The following ERAP2 variants were observed in gnomAD, a reference collection of about 807,000 sequenced individuals.
ERAP2 encodes leukocyte-derived arginine aminopeptidase.
ERAP2 carries 118 observed loss-of-function variants against 111.1 expected under a neutral mutation model. The observed-to-expected ratio is 1.06, with a 90% CI of 0.92 to 1.24. The LOEUF (loss-of-function observed/expected upper bound fraction) is 1.24. Among genes scored for constraint, ERAP2 ranks in the 50% most tolerant of loss-of-function variants. The probability of loss-of-function intolerance (pLI) is 0.00; values close to 1 mark genes in which losing one functional copy is unlikely to be tolerated. For missense variants in ERAP2, 1,131 were observed against 1,125.8 expected (o/e 1.00, Z -0.07); for synonymous variants, 410 against 401.2 (o/e 1.02, Z -0.26).
At chr5:96,906,570 G>A (rs921630889) in intron 13 of ERAP2, among the ~76,000 whole-genome samples, 1 of 152,208 alleles carries the variant, frequency 6.6e-6, no homozygotes, top group South Asian at 2.1e-4. Flanking sequence ...ACCCAGAATG[G>A]AGAGAGAATT....
At chr5:96,914,294 C>T (rs972708351) in intron 17 of ERAP2, among the ~76,000 whole-genome samples, 1 of 152,190 alleles carries the variant, frequency 6.6e-6, no homozygotes, top group Non-Finnish European at 1.5e-5. Context: ...GGTCAGTTAG[C>T]ATCCCTGATA....
chr5:96,916,657 A>T (rs898953099), intron 18 of ERAP2, among the ~76,000 whole-genome samples: 1 of 150,594 alleles, frequency 6.6e-6, no homozygotes, highest in Non-Finnish European at 1.5e-5. Flanking sequence ...TTTAGTAGAG[A>T]TGGGGTTTCA....
intron 9 of ERAP2, among the ~76,000 whole-genome samples, chr5:96,897,930 C>T (rs1274888497): frequency 3.9e-5 from 6 of 152,198 alleles, no homozygotes; most frequent in African/African-American, 1.2e-4. Context: ...GGTACAATGG[C>T]TCACGCCTGT....
At chr5:96,878,913 G>A (rs1022793572) in intron 1 of ERAP2, among the ~76,000 whole-genome samples, 5 of 152,126 alleles carry the variant, frequency 3.3e-5, no homozygotes, top group African/African-American at 1.2e-4. Context: ...GGACAACAGC[G>A]AGATTCCGTC....
chr5:96,896,971 C>A, intron 9 of ERAP2, 108 bp downstream of exon 9: 1 of 396,076 alleles, frequency 2.5e-6, no homozygotes, highest in Non-Finnish European at 3.5e-6. Context: ...CATATTTATT[C>A]TGCTTGCTAT....
intron 4 of ERAP2, among the ~76,000 whole-genome samples, chr5:96,887,325 G>C (rs1225306382): frequency 7.2e-6 from 1 of 138,758 alleles, no homozygotes; most frequent in Non-Finnish European, 1.5e-5. Flanking sequence ...TTTTGAGACA[G>C]AGTCTCACTC....
Position 96,909,687 on chromosome 5 carries a change from T to C in ERAP2, c.2277T>C (p.Cys759=). The change falls in exon 15 of 19, where the codon TGT becomes TGC. Residue 759 remains cysteine (C), a synonymous_variant. Coordinates refer to ENST00000437043, the MANE Select transcript of ERAP2 (RefSeq NM_022350.5). ...MLRSALLKLA[C]DLNHAPCIQK... Reference sequence around the variant, plus strand: ...GCTCGGCTCTCTTGAAGCTGGCCTGTGACCTGAACCATGCTCCTTGCATCC... The same window carrying C: ...GCTCGGCTCTCTTGAAGCTGGCCTGCGACCTGAACCATGCTCCTTGCATCC... The C allele has an allele frequency of 1.9e-6, 3 of 1,614,212 alleles. No individual in the cohort carries two copies. The East Asian group carries it at 6.7e-5, about 36-fold the overall frequency.
At chr5:96,887,355 C>T (rs1783865769) in intron 4 of ERAP2, among the ~76,000 whole-genome samples, 1 of 147,538 alleles carries the variant, frequency 6.8e-6, no homozygotes, top group Non-Finnish European at 1.5e-5. Context: ...GGCTGGAGTG[C>T]AATGATGCTA....
In ERAP2 at chr5:96,909,066, T is replaced by C; in HGVS notation, c.2118T>C (p.Phe706=). ...AAGGTCTGAGTTACTTGGAATCGTT[T>C]TACCACATGATGGACAGAAGGAATA... The part of the protein sequence containing the change: ...LLEGLSYLES[F]YHMMDRRNIS... The change falls in exon 14 of 19, where the codon TTT becomes TTC. Residue 706 remains phenylalanine, a synonymous_variant. Coordinates refer to ENST00000437043, the MANE Select transcript of ERAP2 (RefSeq NM_022350.5). 1.2e-6 allele frequency: 2 copies of C among 1,614,196 alleles called. No individual in the cohort carries two copies. The highest frequency in any genetic ancestry group is 1.7e-6 in the Non-Finnish European group (2 of 1,180,010).
intron 13 of ERAP2, among the ~76,000 whole-genome samples, chr5:96,907,894 AAT>A (rs1554059862): frequency 1.3e-5 from 2 of 151,102 alleles, no homozygotes; most frequent in African/African-American, 4.9e-5. Flanking sequence ...AAAAAAAAAA[AAT>A]ATATATATAT....
Position 96,915,784 on chromosome 5 carries a change from G to A in ERAP2, c.2739+15G>A. ...AGTTGCAAGAGGTTTGTGACTTTCT[G>A]TTTTTAACAATTTCAAAATAAATGT... On this transcript the variant is annotated intron_variant, in intron 18 of 18. Transcript: ENST00000437043. 1 of 1,570,314 alleles carries A rather than the reference G, an allele frequency of 6.4e-7. No individual in the cohort carries two copies. Among genetic ancestry groups the A allele is most frequent in the Non-Finnish European group, 8.7e-7 (1 of 1,154,076 alleles).
chr5:96,883,271 T>A (rs1174410777), intron 2 of ERAP2, among the ~76,000 whole-genome samples: 1 of 152,182 alleles, frequency 6.6e-6, no homozygotes, highest in Admixed American at 6.5e-5. Context: ...CTTTTCCCTG[T>A]CCTGCTTCCC....
chr5:96,902,969 C>T (rs549696776), intron 12 of ERAP2, among the ~76,000 whole-genome samples: 2 of 152,074 alleles, frequency 1.3e-5, no homozygotes, highest in South Asian at 4.2e-4. Context: ...ACCTGGAGTC[C>T]TTCTTTACTA....
chr5:96,889,752 G>A (rs2151141511), intron 5 of ERAP2, among the ~76,000 whole-genome samples: 1 of 151,780 alleles, frequency 6.6e-6, no homozygotes, highest in East Asian at 1.9e-4. Context: ...TCTGTGGGAG[G>A]GAAACACACC....
chr5:96,909,178 G>C, intron 14 of ERAP2, 61 bp downstream of exon 14: 1 of 1,547,016 alleles, frequency 6.5e-7, no homozygotes, highest in Non-Finnish European at 8.9e-7. Context: ...TATCAGTCAG[G>C]CTCAGTTTGT....
At chr5:96,897,826 T>C (rs937087845) in intron 9 of ERAP2, among the ~76,000 whole-genome samples, 4 of 152,242 alleles carry the variant, frequency 2.6e-5, no homozygotes, top group South Asian at 2.1e-4. Flanking sequence ...GAAGAGATCC[T>C]TTCTTTTTTA....
chr5:96,919,286 T>C lies in ERAP2; in HGVS notation c.*1681T>C, dbSNP rs908774483. On this transcript the variant is annotated 3_prime_UTR_variant, in exon 19 of 19. Transcript: ENST00000437043. Reference sequence around the variant, plus strand: ...ACAGTACACATTTTTTGGTTAAATTTGTTTTCAGATCATTTCATGGAATCT... The same window carrying C: ...ACAGTACACATTTTTTGGTTAAATTCGTTTTCAGATCATTTCATGGAATCT... 5 of 152,484 alleles carry C rather than the reference T, an allele frequency of 3.3e-5. No individual in the cohort carries two copies. In the East Asian group the frequency reaches 9.4e-4, roughly 29 times the overall value. The allele number at this position is 152,484 out of a possible 1,614,324, so 9.4% of individuals were successfully genotyped here.
At chr5:96,912,132 A>G (rs1786846388) in intron 15 of ERAP2, among the ~76,000 whole-genome samples, 1 of 147,944 alleles carries the variant, frequency 6.8e-6, no homozygotes, top group Non-Finnish European at 1.5e-5. Flanking sequence ...CGGAGCCTGC[A>G]GTGAGCCCAG....
Position 96,896,857 on chromosome 5 carries a change from G to C in ERAP2, c.1497G>C (p.Leu499=), listed in dbSNP as rs1197029032. ...AGAATGATGACTTGTGGAGCAGTCT[G>C]TCAAATGTAAGTCATATGTTGGGTA... The part of the protein sequence containing the change: ...NAKNDDLWSS[L]SNSCLESDFT... The change falls in exon 9 of 19, where the codon CTG becomes CTC. Residue 499 remains leucine (L), a synonymous_variant. Coordinates refer to ENST00000437043, the MANE Select transcript of ERAP2 (RefSeq NM_022350.5). 1.0e-6 allele frequency: 1 copy of C among 984,392 alleles called. No individual in the cohort carries two copies. The highest frequency in any genetic ancestry group is 1.3e-6 in the Non-Finnish European group (1 of 771,648). 61.0% of individuals were successfully genotyped at this position (984,392 alleles called of 1,614,324 possible).
Sources: gnomAD v4.1 joint callset for allele counts (sites outside exome capture counted in the v4.1 genomes callset) on GRCh38, gnomAD v4.1.1 for gene constraint, MANE v1.5 for transcripts, NCBI Gene and HGNC (gene_info 2026-07-23, HGNC 2026-07-21) for gene names.